The following SLC6A16 variants were observed in gnomAD, a reference collection of about 807,000 sequenced individuals.
SLC6A16 encodes solute carrier family 6 member 16.
In SLC6A16, 54 loss-of-function variants were observed where a neutral mutation model predicts 65.4. That is an observed-to-expected ratio of 0.83 (90% CI 0.66 to 1.04). The LOEUF (loss-of-function observed/expected upper bound fraction) is 1.04. SLC6A16 is among the 50% of genes least tolerant of loss of function. The pLI is 0.00. For synonymous variants in SLC6A16, 330 were observed against 346.5 expected (o/e 0.95, Z 0.53); for missense variants, 816 against 914.0 (o/e 0.89, Z 1.38).
chr19:49,290,374 G>A lies in SLC6A16; in HGVS notation c.1960C>T (p.Pro654Ser). ...DSSTSKEVLRPYPPWALLLMI... is the reference protein window; with the variant it reads ...DSSTSKEVLRSYPPWALLLMI... ...AAGAGCAGTGCCCACGGTGGGTATG[G>A]TCGAAGCACCTCTTTTGACTGTGGA... The change falls in exon 12 of 12, where the codon CCA becomes TCA. Residue 654 changes from proline to serine, a missense_variant. Pro to Ser is a moderately conservative substitution (Grantham distance 74). Transcript: ENST00000335875. 2 of 1,613,356 alleles carry A rather than the reference G, an allele frequency of 1.2e-6. No individual in the cohort carries two copies. Among genetic ancestry groups the A allele is most frequent in the African/African-American group, 2.7e-5 (2 of 74,998 alleles).
At chr19:49,318,493 A>C (rs764540012) in intron 1 of SLC6A16, among the ~76,000 whole-genome samples, 1 of 152,224 alleles carries the variant, frequency 6.6e-6, no homozygotes, top group African/African-American at 2.4e-5. Flanking sequence ...CAAAAAATTC[A>C]TAATGTCAAC....
intron 7 of SLC6A16, among the ~76,000 whole-genome samples, chr19:49,295,764 G>C (rs1360880694): frequency 1.3e-5 from 2 of 152,128 alleles, no homozygotes; most frequent in Admixed American, 1.3e-4. Context: ...ACAAAAGGGG[G>C]CCATGGAGGC....
chr19:49,307,730 A>C (rs553158658), intron 7 of SLC6A16, among the ~76,000 whole-genome samples: 1 of 143,950 alleles, frequency 6.9e-6, no homozygotes, highest in South Asian at 2.2e-4. Context: ...GAAGCAAAAA[A>C]AAAGAAAAAG....
the SLC6A16 span, chr19:49,338,970 TG>T: frequency 2.1e-6 from 3 of 1,428,240 alleles, no homozygotes; most frequent in Non-Finnish European, 2.9e-6. This position sits in a 1 kb window ranked among gnomAD's most constrained non-coding sequence, Gnocchi z 5.0. Context: ...ACCTGTCGAA[TG>T]GGGCGGGGCC....
Position 49,311,303 on chromosome 19 carries a change from G to GGCT in SLC6A16, c.44_45insAGC (p.Thr15_Ser16insAla). ...CAGAAATCACTGTGCCAGTCCATGAGGTGTTTGCCAGCAAGGATGTCGAAG... is the reference window on the plus strand; with the variant it reads ...CAGAAATCACTGTGCCAGTCCATGAGGCTGTGTTTGCCAGCAAGGATGTCGAAG... On this transcript the variant is annotated inframe_insertion, in exon 2 of 12. Coordinates refer to ENST00000335875, the MANE Select transcript of SLC6A16 (RefSeq NM_014037.3). 1 of 1,605,890 alleles carries GGCT rather than the reference G, an allele frequency of 6.2e-7. No homozygotes were observed. Among genetic ancestry groups the GGCT allele is most frequent in the Non-Finnish European group, 8.5e-7 (1 of 1,176,462 alleles).
chr19:49,340,126 C>A, the SLC6A16 span: 1 of 1,537,874 alleles, frequency 6.5e-7, no homozygotes, highest in African/African-American at 1.4e-5. Flanking sequence ...TCTACCTATC[C>A]CCTTCTCCAG....
At chr19:49,338,578 C>G in the SLC6A16 span, 3 of 735,274 alleles carry the variant, frequency 4.1e-6, no homozygotes, top group Non-Finnish European at 7.2e-6. This position sits in a 1 kb window ranked among gnomAD's most constrained non-coding sequence, Gnocchi z 5.0. Context: ...CTGTCCCCCA[C>G]TCCACACCCA....
chr19:49,316,536 TAGA>T (rs1333121574), intron 1 of SLC6A16, among the ~76,000 whole-genome samples: 1 of 152,152 alleles, frequency 6.6e-6, no homozygotes, highest in Non-Finnish European at 1.5e-5. Context: ...CAGCTAAAAC[TAGA>T]AGATGTCTTG....
chr19:49,314,331 C>T (rs62126190), intron 1 of SLC6A16, among the ~76,000 whole-genome samples: 9,608 of 152,104 alleles, frequency 0.063, 425 homozygotes, highest in Non-Finnish European at 0.097. Flanking sequence ...AAAACCTCTT[C>T]CTTATAGTAG....
chr19:49,291,443 G>A (rs182451912), intron 10 of SLC6A16, among the ~76,000 whole-genome samples: 1 of 152,132 alleles, frequency 6.6e-6, no homozygotes, highest in Admixed American at 6.5e-5. Flanking sequence ...AGCTCTTTGA[G>A]AAGAGTATCT....
At chr19:49,339,367 A>G in the SLC6A16 span, 3 of 1,613,802 alleles carry the variant, frequency 1.9e-6, no homozygotes, top group Non-Finnish European at 1.7e-6. This position sits in a 1 kb window ranked among gnomAD's most constrained non-coding sequence, Gnocchi z 4.5. Flanking sequence ...CTGCACAACA[A>G]CCTTATTTCC....
intron 7 of SLC6A16, among the ~76,000 whole-genome samples, chr19:49,298,743 G>T (rs1344050972): frequency 6.6e-6 from 1 of 152,120 alleles, no homozygotes; most frequent in Non-Finnish European, 1.5e-5. Flanking sequence ...CTACCAAAAA[G>T]ATACATGTAC....
chr19:49,324,986 G>A (rs1169131116), intron 1 of SLC6A16, 62 bp downstream of exon 1: 15 of 963,042 alleles, frequency 1.6e-5, no homozygotes, highest in African/African-American at 1.8e-5. Context: ...CGAAAATGGC[G>A]CCCAGCCCCA....
rs949433800 is a variant in SLC6A16 at position 49,325,104 on chromosome 19, G to A, written c.-121C>T. 181 of 985,482 alleles carry A rather than the reference G, an allele frequency of 1.8e-4. 1 individual carries two copies. The highest frequency in any genetic ancestry group is 2.1e-4 in the Non-Finnish European group (176 of 830,058). The allele number at this position is 985,482 out of a possible 1,614,324, so 61.0% of individuals were successfully genotyped here. Reference sequence around the variant, plus strand: ...GTCCAGCCAGTCGGACAAAAATGAGGGTGAAGAAGCCCCAGCTGAGAAGCC... The same window carrying A: ...GTCCAGCCAGTCGGACAAAAATGAGAGTGAAGAAGCCCCAGCTGAGAAGCC... On this transcript the variant is annotated 5_prime_UTR_variant, in exon 1 of 12. Transcript: ENST00000335875.
chr19:49,334,434 C>G, the SLC6A16 span, among the ~76,000 whole-genome samples: 1 of 152,086 alleles, frequency 6.6e-6, no homozygotes, highest in African/African-American at 2.4e-5. Flanking sequence ...CTGCAGTGAG[C>G]TATGATCGCA....
chr19:49,334,065 G>A, the SLC6A16 span, among the ~76,000 whole-genome samples: 29 of 152,194 alleles, frequency 1.9e-4, no homozygotes, highest in Non-Finnish European at 3.5e-4. Flanking sequence ...TTCCCACCTC[G>A]AGCCTGTAGC....
chr19:49,308,177 G>A (rs1467312476), intron 7 of SLC6A16, among the ~76,000 whole-genome samples: 2 of 152,028 alleles, frequency 1.3e-5, no homozygotes, highest in Non-Finnish European at 2.9e-5. Context: ...GGGCCTTAGG[G>A]CGCGGTGGCT....
rs77764588 is a variant in SLC6A16, at chr19:49,303,337, G to A, written c.1229+5539C>T. 5.5e-3 allele frequency among the ~76,000 whole-genome samples: 844 copies of A among 152,246 alleles called. 8 individuals are homozygous for A. Among genetic ancestry groups the A allele is most frequent in the African/African-American group, 0.019 (784 of 41,556 alleles). On this transcript the variant is annotated intron_variant, in intron 7 of 11. Coordinates refer to ENST00000335875, the MANE Select transcript of SLC6A16 (RefSeq NM_014037.3). ...TATTCAAAGTGCTGAAAAAAAATCT[G>A]ACAACCAAGAATACTTTAAAAAGTA...
chr19:49,306,703 C>T (rs1249022883), intron 7 of SLC6A16, among the ~76,000 whole-genome samples: 3 of 151,758 alleles, frequency 2.0e-5, no homozygotes, highest in Non-Finnish European at 4.4e-5. Context: ...CCACCACGCC[C>T]GGCTAATTTT....
Sources: allele counts gnomAD v4.1 joint callset (sites outside exome capture counted in the v4.1 genomes callset), GRCh38; gene constraint gnomAD v4.1.1; non-coding constraint Gnocchi (gnomAD v3.1); transcripts MANE v1.5; gene names NCBI Gene and HGNC (gene_info 2026-07-23, HGNC 2026-07-21).